Variants in ZNF727 observed in about 807,000 individuals in gnomAD.
ZNF727 encodes zinc finger protein 727.
A neutral mutation model predicts 11.5 loss-of-function variants in ZNF727; 11 were observed. The ratio of observed to expected loss-of-function variants is 0.95; its 90% CI spans 0.60 to 1.58. ZNF727 has a LOEUF of 1.58. ZNF727 is among the 40% of genes most tolerant of loss of function. The probability of loss-of-function intolerance (pLI) is 0.00; values close to 1 mark genes in which losing one functional copy is unlikely to be tolerated. For missense variants in ZNF727, 533 were observed against 581.7 expected, an observed-to-expected ratio of 0.92 and a Z score of 0.86; for synonymous variants, 171 against 196.1, an observed-to-expected ratio of 0.87 and a Z score of 1.07.
intron 1 of ZNF727, among the ~76,000 whole-genome samples, chr7:64,054,076 T>A (rs534112055): frequency 1.3e-5 from 2 of 152,298 alleles, no homozygotes; most frequent in East Asian, 3.9e-4. Flanking sequence ...GGCACAGATG[T>A]ACAGCAGGAA....
intron 1 of ZNF727, among the ~76,000 whole-genome samples, chr7:64,053,423 C>A (rs991138066): frequency 6.6e-6 from 1 of 152,092 alleles, no homozygotes; most frequent in Non-Finnish European, 1.5e-5. Context: ...TGGGTTCAAG[C>A]GATTCTCCTG....
intron 1 of ZNF727, among the ~76,000 whole-genome samples, chr7:64,046,911 G>A (rs1789516599): frequency 6.6e-6 from 1 of 152,048 alleles, no homozygotes; most frequent in African/African-American, 2.4e-5. Context: ...CCCATCCGGT[G>A]GAAATGTCCT....
At chr7:64,075,903 T>C (rs1161694696) in intron 3 of ZNF727, among the ~76,000 whole-genome samples, 1 of 152,152 alleles carries the variant, frequency 6.6e-6, no homozygotes, top group East Asian at 1.9e-4. Context: ...TGAACAAAAA[T>C]ACCAAAATAT....
At position 64,084,147 on chromosome 7, in the gene ZNF727, A is replaced by G. The variant is rs182364091; in HGVS notation, c.*5598A>G. Among the ~76,000 whole-genome samples, 194 of 152,288 alleles carry G rather than the reference A, an allele frequency of 1.3e-3. 1 individual carries two copies. The highest frequency in any genetic ancestry group is 7.6e-3 in the Admixed American group (117 of 15,302). ...ATACATGAAGAAATTCTAAGTGGAA[A>G]GGCCACTTAGTGGTTGATTTACAAC... On this transcript the variant is annotated 3_prime_UTR_variant, in exon 4 of 4. Transcript: ENST00000456806.
chr7:64,072,846 C>T, intron 3 of ZNF727, among the ~76,000 whole-genome samples: 1 of 152,042 alleles, frequency 6.6e-6, no homozygotes, highest in South Asian at 2.1e-4. Context: ...TTAAAACCCT[C>T]TCCCTGAAAA....
intron 1 of ZNF727, among the ~76,000 whole-genome samples, chr7:64,054,649 T>G (rs1789655037): frequency 6.6e-6 from 1 of 152,218 alleles, no homozygotes; most frequent in Non-Finnish European, 1.5e-5. Flanking sequence ...TGCTTAGGTA[T>G]TTTGTATATT....
intron 1 of ZNF727, among the ~76,000 whole-genome samples, chr7:64,053,870 A>G (rs1789641767): frequency 2.6e-5 from 4 of 152,320 alleles, no homozygotes; most frequent in East Asian, 1.9e-4. Flanking sequence ...CTGCTTCCTC[A>G]TTCCTGTGTC....
intron 3 of ZNF727, among the ~76,000 whole-genome samples, chr7:64,072,653 CT>C (rs1789980332): frequency 6.6e-6 from 1 of 152,118 alleles, no homozygotes; most frequent in Non-Finnish European, 1.5e-5. Context: ...TGCAGAACCA[CT>C]CCTTGACTAT....
In ZNF727 at chr7:64,079,175, A is replaced by G. The variant is rs1218103852; in HGVS notation, c.*626A>G. Among the ~76,000 whole-genome samples, 2 of 152,234 alleles carry G rather than the reference A, an allele frequency of 1.3e-5. No individual in the cohort carries two copies. Among genetic ancestry groups the G allele is most frequent in the Non-Finnish European group, 2.9e-5 (2 of 68,036 alleles). ...ACCCTACAAATGTGAAGAATGTGGC[A>G]AAGTATTGAGCTCGTTCTCACACGT... is the stretch of plus-strand genomic sequence containing the variant. On this transcript the variant is annotated 3_prime_UTR_variant, in exon 4 of 4. Coordinates refer to ENST00000456806, the MANE Select transcript of ZNF727 (RefSeq NM_001159522.3).
Position 64,083,550 on chromosome 7 carries a change from T to A in ZNF727, c.*5001T>A, listed in dbSNP as rs1284289120. Reference sequence around the variant, plus strand: ...AGCCAGAGTATCTGAGGCTCTTGAATCTCTGCACAGGCCTCAGTGGCTGCT... The same window carrying A: ...AGCCAGAGTATCTGAGGCTCTTGAAACTCTGCACAGGCCTCAGTGGCTGCT... On this transcript the variant is annotated 3_prime_UTR_variant, in exon 4 of 4. Coordinates refer to ENST00000456806, the MANE Select transcript of ZNF727 (RefSeq NM_001159522.3). 6.6e-6 allele frequency among the ~76,000 whole-genome samples: 1 copy of A among 152,210 alleles called. No individual in the cohort carries two copies. Among genetic ancestry groups the A allele is most frequent in the African/African-American group, 2.4e-5 (1 of 41,444 alleles).
In ZNF727 at chr7:64,082,150, C is replaced by G. The variant is rs1171314805; in HGVS notation, c.*3601C>G. ...TAGTCTGAGGGTAGCAAGGACAGTT[C>G]TACTGCAGAGGCAATGGCAAAAATA... On this transcript the variant is annotated 3_prime_UTR_variant, in exon 4 of 4. Transcript: ENST00000456806. Among the ~76,000 whole-genome samples the G allele has an allele frequency of 6.6e-6, 1 of 152,112 alleles. No homozygotes were observed. The highest frequency in any genetic ancestry group is 1.5e-5 in the Non-Finnish European group (1 of 68,016).
chr7:64,059,456 C>T (rs1190885136), intron 1 of ZNF727, among the ~76,000 whole-genome samples: 1 of 152,204 alleles, frequency 6.6e-6, no homozygotes, highest in African/African-American at 2.4e-5. Context: ...AGCTATGAAG[C>T]ACTCATCTCA....
chr7:64,046,118 T>C (rs936776091), intron 1 of ZNF727, among the ~76,000 whole-genome samples: 4 of 152,146 alleles, frequency 2.6e-5, no homozygotes, highest in Non-Finnish European at 5.9e-5. Flanking sequence ...TGGGCTCAGA[T>C]GATCCTCCCA....
chr7:64,069,390 C>G (rs1789923204), intron 2 of ZNF727, 124 bp from the exon 3 acceptor site: 1 of 871,730 alleles, frequency 1.1e-6, no homozygotes, highest in African/African-American at 1.7e-5. Context: ...TGTTACAAAA[C>G]AGTAGATTGG....
intron 1 of ZNF727, among the ~76,000 whole-genome samples, chr7:64,046,247 T>C (rs570740201): frequency 1.3e-5 from 2 of 152,192 alleles, no homozygotes; most frequent in Non-Finnish European, 2.9e-5. Context: ...CTCAGCCTGG[T>C]CTCGAACTCC....
rs189377947 is a variant in ZNF727, at chr7:64,079,504, T to C, written c.*955T>C. ...TCTGTTTTGTCAGAAACTAGGATTGTAATCCTTGCTTTTTTACTGTTTTCT... is the reference window on the plus strand; with the variant it reads ...TCTGTTTTGTCAGAAACTAGGATTGCAATCCTTGCTTTTTTACTGTTTTCT... On this transcript the variant is annotated 3_prime_UTR_variant, in exon 4 of 4. Transcript: ENST00000456806. Among the ~76,000 whole-genome samples, 4 of 152,330 alleles carry C rather than the reference T, an allele frequency of 2.6e-5. No individual in the cohort carries two copies. The highest frequency in any genetic ancestry group is 5.9e-5 in the Non-Finnish European group (4 of 68,014).
chr7:64,055,039 A>G (rs1789661361), intron 1 of ZNF727, among the ~76,000 whole-genome samples: 2 of 152,044 alleles, frequency 1.3e-5, no homozygotes, highest in African/African-American at 4.8e-5. Flanking sequence ...TATTTGCTAA[A>G]TTTTCACTGG....
At chr7:64,050,728 G>A (rs1178211954) in intron 1 of ZNF727, among the ~76,000 whole-genome samples, 2 of 151,448 alleles carry the variant, frequency 1.3e-5, no homozygotes, top group African/African-American at 4.9e-5. Context: ...AAAACCATAG[G>A]CCTCAAATTT....
intron 1 of ZNF727, among the ~76,000 whole-genome samples, chr7:64,046,220 G>T (rs1055485477): frequency 5.3e-5 from 8 of 152,006 alleles, no homozygotes; most frequent in Non-Finnish European, 1.0e-4. Flanking sequence ...TGGTAGAGAC[G>T]GGTTTTTGCA....
Sources: gnomAD v4.1 joint callset for allele counts (sites outside exome capture counted in the v4.1 genomes callset) on GRCh38, gnomAD v4.1.1 for gene constraint, MANE v1.5 for transcripts, NCBI Gene and HGNC (gene_info 2026-07-23, HGNC 2026-07-21) for gene names.